Variants in AIRE observed in about 807,000 individuals in gnomAD.
AIRE encodes the protein autoimmune polyendocrinopathy candidiasis ectodermal dystrophy protein.
In AIRE, 52 loss-of-function variants were observed where a neutral mutation model predicts 62.1. The observed-to-expected ratio is 0.84, with a 90% CI of 0.67 to 1.06. The LOEUF (loss-of-function observed/expected upper bound fraction) is 1.06, where lower values mean the gene tolerates loss of function less well. Ranked by LOEUF, AIRE falls within the 50% of genes least tolerant of loss-of-function variation. The pLI, the probability that AIRE is intolerant of heterozygous loss-of-function variation, is 0.00. For missense variants in AIRE, 774 were observed against 755.8 expected (o/e 1.02, Z -0.28); for synonymous variants, 342 against 321.6 (o/e 1.06, Z -0.68).
chr21:44,296,793 A>G (rs2040613964), intron 13 of AIRE, among the ~76,000 whole-genome samples: 1 of 149,788 alleles, frequency 6.7e-6, no homozygotes, highest in African/African-American at 2.4e-5. Context: ...CAGGCTCAAG[A>G]TCCACTTTCC....
In AIRE at chr21:44,291,076, C is replaced by T. The variant is rs768876713; in HGVS notation, c.880-19C>T. ...TGCACCCCAGCCCAGTCTGCATGGG[C>T]GTCTCTTGCCTGTGCCAGAAGAATG... On this transcript the variant is annotated intron_variant, in intron 7 of 13. Transcript: ENST00000291582. 9 of 1,613,102 alleles carry T rather than the reference C, an allele frequency of 5.6e-6. No individual in the cohort carries two copies. The highest frequency in any genetic ancestry group is 2.7e-5 in the African/African-American group (2 of 74,908).
At chr21:44,293,676 G>C in intron 10 of AIRE, 113 bp from the exon 11 acceptor site, 1 of 1,515,158 alleles carries the variant, frequency 6.6e-7, no homozygotes, top group Non-Finnish European at 8.9e-7. Context: ...CTTGCGCCTA[G>C]ACCCGCCGTC....
chr21:44,288,336 C>T lies in AIRE; in HGVS notation c.539-9C>T, dbSNP rs757848836. On this transcript the variant is annotated splice_polypyrimidine_tract_variant and intron_variant, in intron 4 of 13. Transcript: ENST00000291582. ...CACGGGTGACCCCAATGGGTGTTCC[C>T]TTTCCCAGGGATTCAGACCATGTCA... 2 of 1,591,492 alleles carry T rather than the reference C, an allele frequency of 1.3e-6. No individual in the cohort carries two copies. Among genetic ancestry groups the T allele is most frequent in the Non-Finnish European group, 1.7e-6 (2 of 1,160,422 alleles).
intron 10 of AIRE, 101 bp from the exon 11 acceptor site, chr21:44,293,688 A>G: frequency 1.3e-6 from 2 of 1,550,452 alleles, no homozygotes; most frequent in Middle Eastern, 2.3e-4. Flanking sequence ...CCCGCCGTCC[A>G]GCCCTGGGTG....
At chr21:44,289,281 C>T in intron 5 of AIRE, 1 of 296,318 alleles carries the variant, frequency 3.4e-6, no homozygotes, top group Non-Finnish European at 6.3e-6. Flanking sequence ...GCTCAGGACC[C>T]ACCGCTCCAG....
At position 44,288,131 on chromosome 21, in the gene AIRE, C is replaced by T. The variant is rs149266298; in HGVS notation, c.539-214C>T. ...GCTGACACTGCCACCCCCCAGCACA[C>T]GCACACTTGGGTGCACACACGAACA... On this transcript the variant is annotated intron_variant, in intron 4 of 13. Coordinates refer to ENST00000291582, the MANE Select transcript of AIRE (RefSeq NM_000383.4). Among the ~76,000 whole-genome samples, 35 of 152,312 alleles carry T rather than the reference C, an allele frequency of 2.3e-4. No individual in the cohort carries two copies. The East Asian group carries it at 2.3e-3, about 10-fold the overall frequency.
chr21:44,292,210 TGGTC>T, intron 8 of AIRE, 88 bp from the exon 9 acceptor site: 5 of 1,016,186 alleles, frequency 4.9e-6, no homozygotes, highest in Non-Finnish European at 6.1e-6. Context: ...TGAAAAGACA[TGGTC>T]GGAGCCCTGG....
rs972293338 is a variant in AIRE, at chr21:44,287,758, A to G, written c.538+167A>G. On this transcript the variant is annotated intron_variant, in intron 4 of 13. Transcript: ENST00000291582. This position sits in a 1 kb window ranked among gnomAD's most constrained non-coding sequence, Gnocchi z 4.3. ...CTGCACCACCAGACCCAGGAAGGGG[A>G]CACCTTGGGTCTAAGCATGATCTTG... Among the ~76,000 whole-genome samples the G allele has an allele frequency of 2.0e-5, 3 of 151,672 alleles. No individual in the cohort carries two copies. Among genetic ancestry groups the G allele is most frequent in the Non-Finnish European group, 4.4e-5 (3 of 67,902 alleles).
At chr21:44,294,570 G>A in intron 12 of AIRE, 67 bp downstream of exon 12, 1 of 900,086 alleles carries the variant, frequency 1.1e-6, no homozygotes. Flanking sequence ...GGTTGGTGTT[G>A]GGGGAGCACA....
chr21:44,293,724 C>T lies in AIRE; in HGVS notation c.1279-65C>T, dbSNP rs561345329. ...GTCCCAGGGGAGAGCGCACAGGGCT[C>T]GGGTTCGGGTTCAGCTACATTTCCC... On this transcript the variant is annotated intron_variant, in intron 10 of 13. Coordinates refer to ENST00000291582, the MANE Select transcript of AIRE (RefSeq NM_000383.4). 13 of 1,591,482 alleles carry T rather than the reference C, an allele frequency of 8.2e-6. No homozygotes were observed. The Admixed American group carries it at 1.2e-4, about 14-fold the overall frequency.
At chr21:44,293,272 C>T (rs1421316170) in intron 10 of AIRE, 97 bp downstream of exon 10, 11 of 1,202,270 alleles carry the variant, frequency 9.1e-6, no homozygotes, top group South Asian at 3.3e-5. Flanking sequence ...GGAGGCCAGG[C>T]GAGAAAGGCT....
intron 10 of AIRE, among the ~76,000 whole-genome samples, chr21:44,293,501 A>G (rs2040566699): frequency 6.6e-6 from 1 of 151,138 alleles, no homozygotes; most frequent in South Asian, 2.1e-4. Context: ...CTTTCAGGAG[A>G]CTCCCGCACT....
chr21:44,287,303 C>A lies in AIRE; in HGVS notation c.463+170C>A. The stretch of plus-strand genomic sequence containing the variant: ...AGACCCACACACTGGACCAGCCTCT[C>A]AGCTCCCTCCTGCCTGAAGGCTGAG... On this transcript the variant is annotated intron_variant, in intron 3 of 13. Transcript: ENST00000291582. This position sits in a 1 kb window ranked among gnomAD's most constrained non-coding sequence, Gnocchi z 4.3. 1 of 817,772 alleles carries A rather than the reference C, an allele frequency of 1.2e-6. No individual in the cohort carries two copies. The highest frequency in any genetic ancestry group is 1.9e-6 in the Non-Finnish European group (1 of 520,328). The allele number at this position is 817,772 out of a possible 1,614,324, so 50.7% of individuals were successfully genotyped here. A position where few individuals can be genotyped will look rare whatever the true frequency, so the allele number is the denominator to read the frequency against.
In AIRE at chr21:44,297,893, G is replaced by A; in HGVS notation, c.*166G>A. On this transcript the variant is annotated 3_prime_UTR_variant, in exon 14 of 14. Coordinates refer to ENST00000291582, the MANE Select transcript of AIRE (RefSeq NM_000383.4). The surrounding 1 kb of genome is among the most constrained non-coding windows in gnomAD (Gnocchi z 4.8). ...TGTTTCTGGGGACACCAGCCATCATGTGCCTGGAAATTAAACCCTGCCCCA... is the reference window on the plus strand; with the variant it reads ...TGTTTCTGGGGACACCAGCCATCATATGCCTGGAAATTAAACCCTGCCCCA... 8.6e-6 allele frequency: 6 copies of A among 698,556 alleles called. No individual in the cohort carries two copies. Among genetic ancestry groups the A allele is most frequent in the Non-Finnish European group, 1.5e-5 (6 of 397,506 alleles). 43.3% of individuals were successfully genotyped at this position (698,556 alleles called of 1,614,324 possible).
chr21:44,291,248 C>CGGTTCACG lies in AIRE; in HGVS notation c.995+40_995+47dup, dbSNP rs749304027. The CGGTTCACG allele has an allele frequency of 5.6e-6, 9 of 1,594,162 alleles. No individual in the cohort carries two copies. In the African/African-American group the frequency reaches 9.3e-5, roughly 17 times the overall value. ...CTCTGCCAGCGCAACCAGGCCACCCCGGTTCACGGCCGCCTCCACCCACTG... is the reference window on the plus strand; with the variant it reads ...CTCTGCCAGCGCAACCAGGCCACCCCGGTTCACGGGTTCACGGCCGCCTCCACCCACTG... On this transcript the variant is annotated intron_variant, in intron 8 of 13. Coordinates refer to ENST00000291582, the MANE Select transcript of AIRE (RefSeq NM_000383.4).
intron 8 of AIRE, among the ~76,000 whole-genome samples, chr21:44,291,681 C>T (rs561525723): frequency 1.3e-5 from 2 of 152,310 alleles, no homozygotes; most frequent in South Asian, 4.1e-4. Context: ...TCTGCGTTCA[C>T]ATCCCGGTGC....
intron 11 of AIRE, 35 bp from the exon 12 acceptor site, chr21:44,294,366 C>G (rs949503407): frequency 6.8e-7 from 1 of 1,467,796 alleles, no homozygotes; most frequent in Non-Finnish European, 9.2e-7. Flanking sequence ...TCCTGCTCCC[C>G]CCCAGGGCTG....
chr21:44,295,763 G>A (rs2040599471), intron 12 of AIRE, among the ~76,000 whole-genome samples: 1 of 152,062 alleles, frequency 6.6e-6, no homozygotes, highest in Non-Finnish European at 1.5e-5. Flanking sequence ...CCACCCCCTG[G>A]GAGCATCCTT....
chr21:44,293,367 C>A (rs1392940757), intron 10 of AIRE, among the ~76,000 whole-genome samples, 192 bp downstream of exon 10: 6 of 152,170 alleles, frequency 3.9e-5, no homozygotes. Flanking sequence ...CACTCCAGCT[C>A]CTGGCCCTGG....
Sources: gnomAD v4.1 joint callset for allele counts (sites outside exome capture counted in the v4.1 genomes callset) on GRCh38, gnomAD v4.1.1 for gene constraint, Gnocchi (gnomAD v3.1) non-coding constraint, MANE v1.5 for transcripts, NCBI Gene and HGNC (gene_info 2026-07-23, HGNC 2026-07-21) for gene names.